The following FAM120B variants were observed in gnomAD, a reference collection of about 807,000 sequenced individuals.
The protein encoded by FAM120B is constitutive coactivator of peroxisome proliferator-activated receptor gamma.
A neutral mutation model predicts 96.3 loss-of-function variants in FAM120B; 83 were observed. That is an observed-to-expected ratio of 0.86 (90% confidence interval 0.72 to 1.03). The LOEUF (loss-of-function observed/expected upper bound fraction) is 1.03, where lower values mean the gene tolerates loss of function less well. Ranked by LOEUF, FAM120B falls within the 50% of genes least tolerant of loss-of-function variation. The pLI is 0.00. For missense variants in FAM120B, 1,027 were observed against 1,121.2 expected, an observed-to-expected ratio of 0.92 and a Z score of 1.20; for synonymous variants, 407 against 402.7, an observed-to-expected ratio of 1.01 and a Z score of -0.13.
Position 170,318,134 on chromosome 6 carries a change from G to A in FAM120B, c.744G>A (p.Ser248=), listed in dbSNP as rs61733631. Residue 248 remains serine (S), a synonymous_variant, in exon 2 of 11, where the codon TCG becomes TCA. Transcript: ENST00000476287. ...MFESFRYKCL[S]SYTSVKENFD... Reference sequence around the variant, plus strand: ...AAAGCTTTAGGTACAAATGCTTATCGTCCTACACCTCTGTAAAAGAGAACT... The same window carrying A: ...AAAGCTTTAGGTACAAATGCTTATCATCCTACACCTCTGTAAAAGAGAACT... 1.5e-3 allele frequency: 2,344 copies of A among 1,614,176 alleles called. 23 individuals are homozygous for A. The African/African-American group carries it at 0.027, about 19-fold the overall frequency.
intron 6 of FAM120B, among the ~76,000 whole-genome samples, chr6:170,359,948 C>T (rs559383387): frequency 1.3e-5 from 2 of 152,212 alleles, no homozygotes; most frequent in East Asian, 1.9e-4. Context: ...TCACGCCGAG[C>T]GGCAGCCCTG....
At position 170,295,332 on chromosome 6, in the gene FAM120B, G is replaced by C; in HGVS notation, c.-74G>C. ...ACAGATGTGTTCACACTCGGTTGCC[G>C]CGCGTGGACTTACAAGCCCACGAAG... On this transcript the variant is annotated 5_prime_UTR_variant, in exon 1 of 11. Coordinates refer to the FAM120B transcript ENST00000537664. The surrounding 1 kb of genome is among the most constrained non-coding windows in gnomAD (Gnocchi z 7.8). 4.3e-6 allele frequency: 3 copies of C among 696,106 alleles called. No individual in the cohort carries two copies. Among genetic ancestry groups the C allele is most frequent in the Non-Finnish European group, 7.9e-6 (3 of 381,844 alleles). 43.1% of individuals were successfully genotyped at this position (696,106 alleles called of 1,614,324 possible).
chr6:170,320,274 CTGTGTGGTGA>C (rs1785201145), intron 2 of FAM120B, among the ~76,000 whole-genome samples: 1 of 152,178 alleles, frequency 6.6e-6, no homozygotes, highest in African/African-American at 2.4e-5. Context: ...AGCTGAGCAG[CTGTGTGGTGA>C]TACCTGGAGG....
intron 1 of FAM120B, among the ~76,000 whole-genome samples, chr6:170,316,320 C>T (rs113094302): frequency 2.5e-4 from 38 of 152,144 alleles, no homozygotes; most frequent in African/African-American, 2.4e-4. Flanking sequence ...CTAGGAGAGG[C>T]GTCATTTGTT....
chr6:170,391,291 T>G (rs1027265658), intron 8 of FAM120B, 170 bp downstream of exon 8: 1 of 571,044 alleles, frequency 1.8e-6, no homozygotes, highest in East Asian at 3.1e-5. Context: ...TCTCAGCACT[T>G]TGGGAGGCCG....
intron 3 of FAM120B, among the ~76,000 whole-genome samples, chr6:170,325,535 TAAA>T (rs5881868): frequency 2.9e-5 from 4 of 139,180 alleles, no homozygotes; most frequent in African/African-American, 1.1e-4. Context: ...GATTTACCTT[TAAA>T]AAAAAAAAAA....
intron 1 of FAM120B, among the ~76,000 whole-genome samples, chr6:170,297,722 G>A (rs1784048911): frequency 6.6e-6 from 1 of 152,236 alleles, no homozygotes; most frequent in Non-Finnish European, 1.5e-5. Context: ...TGGGCATAGG[G>A]AGGGTATGTT....
In FAM120B at chr6:170,323,125, A is replaced by G. The variant is rs568281525; in HGVS notation, c.1781A>G (p.Asn594Ser). The change falls in exon 3 of 11, where the codon AAC (asparagine) becomes AGC (serine). Residue 594 changes from asparagine (N) to serine (S), a missense_variant. Around this residue, in one of 3 missense-constraint regions of FAM120B, gnomAD observed 880 missense variants for 980.9 expected, o/e 0.90. Transcript: ENST00000476287. The part of the protein sequence containing the change: ...HVQAESYLVY[N>S]IMSSGEIECS... ...CAAGCAGAAAGCTACCTGGTGTACA[A>G]CATCATGAGCAGTGGAGAGATTGAA... 2 of 1,614,072 alleles carry G rather than the reference A, an allele frequency of 1.2e-6. No individual in the cohort carries two copies. The highest frequency in any genetic ancestry group is 1.3e-5 in the African/African-American group (1 of 75,030).
intron 1 of FAM120B, among the ~76,000 whole-genome samples, chr6:170,309,695 T>C (rs1784480975): frequency 1.3e-5 from 2 of 152,240 alleles, no homozygotes; most frequent in South Asian, 4.1e-4. Flanking sequence ...GTGCAAATTA[T>C]TATAAAGTCA....
At chr6:170,375,988 G>C (rs950854919) in intron 6 of FAM120B, among the ~76,000 whole-genome samples, 6 of 152,164 alleles carry the variant, frequency 3.9e-5, no homozygotes, top group African/African-American at 9.7e-5. Flanking sequence ...CCCTAAAAAG[G>C]CCAGAGAATT....
chr6:170,303,827 T>C (rs964473977), upstream of FAM120B, among the ~76,000 whole-genome samples: 1 of 152,260 alleles, frequency 6.6e-6, no homozygotes, highest in Admixed American at 6.5e-5. Context: ...TGCATATTGT[T>C]TTCACTAGAT....
chr6:170,383,661 C>T (rs946368860), intron 6 of FAM120B, among the ~76,000 whole-genome samples: 2 of 152,322 alleles, frequency 1.3e-5, no homozygotes, highest in African/African-American at 4.8e-5. Context: ...CAAATTCTGG[C>T]GAGGATGCAG....
intron 6 of FAM120B, among the ~76,000 whole-genome samples, chr6:170,367,015 C>A (rs1788845174): frequency 1.3e-5 from 2 of 152,242 alleles, no homozygotes; most frequent in South Asian, 2.1e-4. Flanking sequence ...TTTCTTCTCA[C>A]CAGAAACAGT....
rs376260207 is a variant in FAM120B at position 170,324,118 on chromosome 6, G to T, written c.1915+859G>T. ...ATTTGCCTAAACATCATTATTTCCA[G>T]ACATGTCAATATTAACCGTACTCTG... On this transcript the variant is annotated intron_variant, in intron 3 of 10. Coordinates refer to ENST00000476287, the MANE Select transcript of FAM120B (RefSeq NM_032448.3). 2.2e-4 allele frequency among the ~76,000 whole-genome samples: 33 copies of T among 152,308 alleles called. No individual in the cohort carries two copies. In the East Asian group the frequency reaches 6.2e-3, roughly 28 times the overall value.
rs1394216063 is a variant in FAM120B at position 170,295,414 on chromosome 6, A to G, written c.9A>G (p.Gly3=). 1.4e-6 allele frequency: 1 copy of G among 701,706 alleles called. No homozygotes were observed. The highest frequency in any genetic ancestry group is 2.0e-5 in the Admixed American group (1 of 49,974). 43.5% of individuals were successfully genotyped at this position (701,706 alleles called of 1,614,324 possible). The change falls in exon 1 of 11, where the codon GGA becomes GGG. Residue 3 remains glycine (G), a synonymous_variant. Coordinates refer to the FAM120B transcript ENST00000537664. The surrounding 1 kb of genome is among the most constrained non-coding windows in gnomAD (Gnocchi z 7.8). ...GGGCATCGATCTGGTTTATGTTTGG[A>G]CCTCGAGGCTCCACCAGCGCTGGCG...
chr6:170,293,192 G>A (rs981843723), upstream of FAM120B, among the ~76,000 whole-genome samples: 1 of 152,024 alleles, frequency 6.6e-6, no homozygotes, highest in Non-Finnish European at 1.5e-5. Context: ...GGGTGGGGGT[G>A]AGGGTAGGTG....
At chr6:170,383,788 C>CATTTATCCCAGAGAA (rs140779736) in intron 6 of FAM120B, among the ~76,000 whole-genome samples, 26,788 of 152,170 alleles carry the variant, frequency 0.18, 3,395 homozygotes, top group East Asian at 0.69. Context: ...CATGCCTGGG[C>CATTTATCCCAGAGAA]ATGAAAACTT....
At chr6:170,337,930 G>A (rs1786549361) in intron 4 of FAM120B, among the ~76,000 whole-genome samples, 1 of 151,568 alleles carries the variant, frequency 6.6e-6, no homozygotes, top group South Asian at 2.1e-4. Flanking sequence ...TTTCTTATTA[G>A]TCTGACTAGC....
At chr6:170,311,522 G>T (rs1364989486) in intron 1 of FAM120B, among the ~76,000 whole-genome samples, 1 of 152,320 alleles carries the variant, frequency 6.6e-6, no homozygotes, top group East Asian at 1.9e-4. Context: ...TGTTGCTCAT[G>T]CCTTCCTCTG....
Sources: allele counts gnomAD v4.1 joint callset (sites outside exome capture counted in the v4.1 genomes callset), GRCh38; gene constraint gnomAD v4.1.1; regional missense constraint gnomAD v4.1.1; non-coding constraint Gnocchi (gnomAD v3.1); transcripts MANE v1.5; gene names NCBI Gene and HGNC (gene_info 2026-07-23, HGNC 2026-07-21).